SYNDIG1: variants seen among roughly 807,000 people sequenced by gnomAD.
SYNDIG1 encodes the protein synapse differentiation inducing 1.
Under a neutral mutation model 19.4 loss-of-function variants are expected in SYNDIG1, and 9 were observed. That is an observed-to-expected ratio of 0.46 (90% CI 0.28 to 0.81). The LOEUF (loss-of-function observed/expected upper bound fraction) is 0.81, where lower values mean the gene tolerates loss of function less well. SYNDIG1 is among the 30% of genes least tolerant of loss of function. The pLI is 0.12. For synonymous variants in SYNDIG1, 141 were observed against 145.9 expected, an observed-to-expected ratio of 0.97 and a Z score of 0.24; for missense variants, 311 against 343.3, an observed-to-expected ratio of 0.91 and a Z score of 0.74.
chr20:24,487,992 A>C (rs1040499515), intron 1 of SYNDIG1, among the ~76,000 whole-genome samples: 1 of 152,144 alleles, frequency 6.6e-6, no homozygotes, highest in Non-Finnish European at 1.5e-5. Context: ...CCCAGGAGAG[A>C]CCAGCCAAGA....
intron 3 of SYNDIG1, among the ~76,000 whole-genome samples, chr20:24,617,493 T>C (rs1374797356): frequency 6.6e-6 from 1 of 152,196 alleles, no homozygotes; most frequent in African/African-American, 2.4e-5. Context: ...ACAAGACCTT[T>C]AATGAGCTTC....
intron 1 of SYNDIG1, among the ~76,000 whole-genome samples, chr20:24,541,410 G>C (rs2057466283): frequency 6.6e-6 from 1 of 152,190 alleles, no homozygotes; most frequent in South Asian, 2.1e-4. Context: ...CTCCCCAGGA[G>C]AGTTCTTACA....
intron 2 of SYNDIG1, among the ~76,000 whole-genome samples, chr20:24,575,490 A>G (rs531751834): frequency 7.3e-4 from 111 of 152,272 alleles, no homozygotes; most frequent in African/African-American, 2.3e-3. Flanking sequence ...CTCAGTCCTG[A>G]CCTCCAAGGG....
intron 1 of SYNDIG1, among the ~76,000 whole-genome samples, chr20:24,503,037 C>G (rs2056494068): frequency 6.6e-6 from 1 of 152,086 alleles, no homozygotes; most frequent in Admixed American, 6.5e-5. Flanking sequence ...TTTCAAGGGC[C>G]CTTTATCTGG....
intron 2 of SYNDIG1, among the ~76,000 whole-genome samples, chr20:24,558,270 T>A (rs1236637454): frequency 6.6e-6 from 1 of 152,198 alleles, no homozygotes; most frequent in Non-Finnish European, 1.5e-5. Flanking sequence ...CCAAAAAAAA[T>A]TGTCTACTGG....
At chr20:24,470,891 G>C (rs938178375) in intron 1 of SYNDIG1, among the ~76,000 whole-genome samples, 1 of 151,928 alleles carries the variant, frequency 6.6e-6, no homozygotes, top group African/African-American at 2.4e-5. Flanking sequence ...TCGGACCGAT[G>C]CCTGCGCCTT....
At chr20:24,624,132 G>A (rs968251081) in intron 3 of SYNDIG1, among the ~76,000 whole-genome samples, 1 of 151,838 alleles carries the variant, frequency 6.6e-6, no homozygotes, top group Non-Finnish European at 1.5e-5. Context: ...TGTGGTGGTG[G>A]GTGCCTGTAG....
At chr20:24,611,932 C>T (rs749437150) in intron 3 of SYNDIG1, among the ~76,000 whole-genome samples, 13 of 152,232 alleles carry the variant, frequency 8.5e-5, no homozygotes, top group Non-Finnish European at 1.6e-4. Context: ...AAACCCTGCA[C>T]TGCTTCCTGT....
At position 24,599,909 on chromosome 20, in the gene SYNDIG1, C is replaced by T. The variant is rs759769632; in HGVS notation, c.618+14916C>T. On this transcript the variant is annotated intron_variant, in intron 3 of 3. Transcript: ENST00000376862. ...AGTTAGATAGAGGGAATACATTCAA[C>T]GGTTGATAACAGTGTAGGGTGACTA... Among the ~76,000 whole-genome samples, 7 of 152,250 alleles carry T rather than the reference C, an allele frequency of 4.6e-5. 1 individual carries two copies. The Middle Eastern group carries it at 0.01, about 222-fold the overall frequency.
chr20:24,581,344 A>G (rs1224235254), intron 2 of SYNDIG1, among the ~76,000 whole-genome samples: 1 of 152,160 alleles, frequency 6.6e-6, no homozygotes, highest in East Asian at 1.9e-4. Context: ...TAAAAGATAA[A>G]TAAACAGACA....
chr20:24,574,207 G>T (rs976148580), intron 2 of SYNDIG1, among the ~76,000 whole-genome samples: 1 of 152,034 alleles, frequency 6.6e-6, no homozygotes, highest in African/African-American at 2.4e-5. Context: ...GCGGGGCACG[G>T]TGGCTCACAC....
chr20:24,546,308 T>A (rs1201568658), intron 2 of SYNDIG1, among the ~76,000 whole-genome samples: 2 of 152,242 alleles, frequency 1.3e-5, no homozygotes, highest in Non-Finnish European at 1.5e-5. Flanking sequence ...TAAAGGGTCA[T>A]GTATTGGTTA....
intron 2 of SYNDIG1, 138 bp from the exon 3 acceptor site, chr20:24,584,718 C>T (rs1267294354): frequency 3.4e-6 from 4 of 1,192,180 alleles, no homozygotes; most frequent in Non-Finnish European, 4.8e-6. Context: ...AACGATGACT[C>T]GAACAACGTC....
intron 3 of SYNDIG1, among the ~76,000 whole-genome samples, chr20:24,650,666 C>T (rs138738620): frequency 3.8e-4 from 58 of 152,316 alleles, no homozygotes; most frequent in Middle Eastern, 3.4e-3. Flanking sequence ...AGCGTTCCAG[C>T]GTGCTCTTGC....
chr20:24,633,094 C>T (rs547701222), intron 3 of SYNDIG1, among the ~76,000 whole-genome samples: 3 of 152,100 alleles, frequency 2.0e-5, no homozygotes, highest in Admixed American at 6.5e-5. Flanking sequence ...ATGGGCAGAC[C>T]GTGTCGAATC....
chr20:24,610,560 G>C (rs531059524), intron 3 of SYNDIG1, among the ~76,000 whole-genome samples: 1 of 152,328 alleles, frequency 6.6e-6, no homozygotes, highest in South Asian at 2.1e-4. Flanking sequence ...TCAGATTTAT[G>C]CATTGCCTGA....
At chr20:24,533,706 A>G (rs1022755683) in intron 1 of SYNDIG1, among the ~76,000 whole-genome samples, 1 of 152,152 alleles carries the variant, frequency 6.6e-6, no homozygotes, top group Non-Finnish European at 1.5e-5. Flanking sequence ...GTGCTGATCC[A>G]TCAGCTTCTC....
At chr20:24,586,027 G>A (rs527588285) in intron 3 of SYNDIG1, among the ~76,000 whole-genome samples, 4 of 152,240 alleles carry the variant, frequency 2.6e-5, no homozygotes, top group African/African-American at 7.2e-5. Flanking sequence ...TTTGTTGGAC[G>A]AGTGAGAGGA....
intron 1 of SYNDIG1, among the ~76,000 whole-genome samples, chr20:24,478,471 C>A (rs1277398086): frequency 1.3e-5 from 2 of 152,254 alleles, no homozygotes; most frequent in Admixed American, 6.5e-5. Context: ...AGAGCCAGGG[C>A]ACAGGGACCC....
Sources: allele counts gnomAD v4.1 joint callset (sites outside exome capture counted in the v4.1 genomes callset), GRCh38; gene constraint gnomAD v4.1.1; transcripts MANE v1.5; gene names NCBI Gene and HGNC (gene_info 2026-07-23, HGNC 2026-07-21).